Variants in CADM2 observed in about 807,000 individuals in gnomAD.
CADM2 encodes cell adhesion molecule 2.
In CADM2, 12 loss-of-function variants were observed where a neutral mutation model predicts 49.8. The ratio of observed to expected loss-of-function variants is 0.24; its 90% CI spans 0.15 to 0.39. The LOEUF is 0.39. Ranked by LOEUF, CADM2 falls within the 10% of genes least tolerant of loss-of-function variation. The pLI is 1.00. For synonymous variants in CADM2, 214 were observed against 175.4 expected (o/e 1.22, Z -1.74); for missense variants, 378 against 492.3 (o/e 0.77, Z 2.20).
intron 1 of CADM2, among the ~76,000 whole-genome samples, chr3:85,596,792 A>G (rs775493147): frequency 3.3e-5 from 5 of 151,982 alleles, no homozygotes; most frequent in African/African-American, 9.7e-5. Flanking sequence ...TCTTAACTCA[A>G]TTAAACCTCT....
intron 3 of CADM2, among the ~76,000 whole-genome samples, chr3:85,855,535 G>A (rs1301407938): frequency 2.0e-5 from 3 of 147,460 alleles, no homozygotes; most frequent in Non-Finnish European, 4.5e-5. Context: ...CAGTAAAAAT[G>A]TCAAGAATTG....
At chr3:85,867,715 G>T (rs2075776424) in intron 3 of CADM2, among the ~76,000 whole-genome samples, 1 of 151,998 alleles carries the variant, frequency 6.6e-6, no homozygotes, top group Non-Finnish European at 1.5e-5. Flanking sequence ...TTTAAATTAT[G>T]CTTATTTTAT....
At chr3:85,951,954 A>G (rs1723476533) in intron 7 of CADM2, among the ~76,000 whole-genome samples, 1 of 151,062 alleles carries the variant, frequency 6.6e-6, no homozygotes, top group Non-Finnish European at 1.5e-5. Flanking sequence ...TAAGGAGGGA[A>G]GTGAACGGGA....
chr3:85,645,989 A>G (rs993939985), intron 1 of CADM2, among the ~76,000 whole-genome samples: 16 of 152,030 alleles, frequency 1.1e-4, no homozygotes, highest in African/African-American at 1.9e-4. Context: ...TTAGGACAGT[A>G]AAATATTTAA....
chr3:85,658,576 GTATATATATA>G (rs397990421), intron 1 of CADM2, among the ~76,000 whole-genome samples: 10,304 of 68,788 alleles, frequency 0.15, 650 homozygotes, highest in Admixed American at 0.18. Context: ...GGATATATGT[GTATATATATA>G]TATATATATA....
chr3:85,930,369 A>T (rs1261055971), intron 6 of CADM2, among the ~76,000 whole-genome samples: 1 of 152,094 alleles, frequency 6.6e-6, no homozygotes, highest in Non-Finnish European at 1.5e-5. Flanking sequence ...AGATGTTTTG[A>T]TACAGGCATG....
chr3:85,912,376 T>C lies in CADM2; in HGVS notation c.533T>C (p.Val178Ala). ...AAAATTCATATTTTATTTTCAGATGTAAAATATTTAAAAGAAGAGGATGCA... is the reference window on the plus strand; with the variant it reads ...AAAATTCATATTTTATTTTCAGATGCAAAATATTTAAAAGAAGAGGATGCA... The part of the protein sequence containing the change: ...WFKNDKEIKD[V>A]KYLKEEDANR... Residue 178 changes from valine to alanine, a missense_variant, in exon 6 of 10, where the codon GTA becomes GCA. Val to Ala is a moderately conservative substitution (Grantham distance 64). Coordinates refer to ENST00000383699, the MANE Select transcript of CADM2 (RefSeq NM_001167675.2). The C allele has an allele frequency of 1.2e-6, 2 of 1,602,096 alleles. No homozygotes were observed. The highest frequency in any genetic ancestry group is 1.7e-6 in the Non-Finnish European group (2 of 1,173,380).
chr3:85,287,309 CTGTT>C (rs567081042), intron 1 of CADM2, among the ~76,000 whole-genome samples: 2 of 151,626 alleles, frequency 1.3e-5, no homozygotes, highest in South Asian at 2.1e-4. Context: ...GCCATACTGA[CTGTT>C]TGTGAAGGAA....
rs141341929 is a variant in CADM2, at chr3:86,036,535, G to A, written c.971-29070G>A. ...TTTCCTAGACTCTCTCTCTCTCCAA[G>A]GTGTTGGACTGAATTATCACATGTC... is the stretch of plus-strand genomic sequence containing the variant. On this transcript the variant is annotated intron_variant, in intron 8 of 9. Coordinates refer to ENST00000383699, the MANE Select transcript of CADM2 (RefSeq NM_001167675.2). 2.1e-3 allele frequency among the ~76,000 whole-genome samples: 321 copies of A among 152,036 alleles called. 1 individual carries two copies. Among genetic ancestry groups the A allele is most frequent in the Admixed American group, 4.1e-3 (63 of 15,244 alleles).
At chr3:85,691,564 T>A (rs1367623565) in intron 1 of CADM2, among the ~76,000 whole-genome samples, 1 of 152,200 alleles carries the variant, frequency 6.6e-6, no homozygotes, top group African/African-American at 2.4e-5. Context: ...GAAGTCAGTG[T>A]GGCCATTCCT....
At chr3:85,661,047 A>G (rs1266915673) in intron 1 of CADM2, among the ~76,000 whole-genome samples, 1 of 152,142 alleles carries the variant, frequency 6.6e-6, no homozygotes, top group East Asian at 1.9e-4. Flanking sequence ...GGAGGAAGGC[A>G]TTGAATTGTA....
intron 1 of CADM2, 45 bp from the exon 2 acceptor site, chr3:85,726,477 C>A: frequency 3.1e-6 from 5 of 1,606,502 alleles, no homozygotes; most frequent in Non-Finnish European, 3.4e-6. Context: ...TGTCTAATAT[C>A]TAATATGTTT....
intron 1 of CADM2, chr3:84,960,288 G>GATTTTTTTTA (rs2030350803): frequency 6.6e-6 from 1 of 151,630 alleles, no homozygotes; most frequent in South Asian, 2.1e-4. Flanking sequence ...AGAGAGAGGG[G>GATTTTTTTTA]ACTCTGTCTG....
intron 1 of CADM2, among the ~76,000 whole-genome samples, chr3:85,649,957 G>A (rs867895533): frequency 5.3e-5 from 8 of 152,106 alleles, no homozygotes; most frequent in Admixed American, 2.6e-4. Context: ...GCAATCAATA[G>A]CCGTTATATA....
intron 7 of CADM2, among the ~76,000 whole-genome samples, chr3:85,943,702 T>C (rs1183440618): frequency 6.6e-6 from 1 of 151,816 alleles, no homozygotes; most frequent in Non-Finnish European, 1.5e-5. Context: ...AAAACAGAGA[T>C]ATAGATCAAT....
chr3:85,769,259 A>G (rs1486452127), intron 2 of CADM2, among the ~76,000 whole-genome samples: 1 of 108,704 alleles, frequency 9.2e-6, no homozygotes, highest in Non-Finnish European at 1.7e-5. Context: ...TATATAGTAT[A>G]TATACACATA....
intron 1 of CADM2, among the ~76,000 whole-genome samples, chr3:85,143,850 A>G (rs1217309314): frequency 6.6e-6 from 1 of 152,122 alleles, no homozygotes; most frequent in Non-Finnish European, 1.5e-5. Context: ...ATGCCGTTCC[A>G]TGGCTCAAGT....
chr3:85,857,957 G>T (rs2108312724), intron 3 of CADM2, among the ~76,000 whole-genome samples: 1 of 152,274 alleles, frequency 6.6e-6, no homozygotes, highest in East Asian at 1.9e-4. Context: ...TGCAGGTAAT[G>T]AGTTACCAGG....
chr3:86,050,517 C>T (rs960122906), intron 8 of CADM2, among the ~76,000 whole-genome samples: 1 of 152,194 alleles, frequency 6.6e-6, no homozygotes, highest in Non-Finnish European at 1.5e-5. Flanking sequence ...GGACTCCAGC[C>T]TCTCATTTCC....
Sources: gnomAD v4.1 joint callset for allele counts (sites outside exome capture counted in the v4.1 genomes callset) on GRCh38, gnomAD v4.1.1 for gene constraint, MANE v1.5 for transcripts, NCBI Gene and HGNC (gene_info 2026-07-23, HGNC 2026-07-21) for gene names.